Variants in CLIP2 observed in about 807,000 individuals in gnomAD.
The protein encoded by CLIP2 is CAP-Gly domain containing linker protein 2.
Under a neutral mutation model 111.7 loss-of-function variants are expected in CLIP2, and 41 were observed. The ratio of observed to expected loss-of-function variants is 0.37; its 90% CI spans 0.29 to 0.48. The LOEUF is 0.48. Among genes scored for constraint, CLIP2 ranks in the 20% least tolerant of loss-of-function variants. The pLI, the probability that CLIP2 is intolerant of heterozygous loss-of-function variation, is 0.99. For synonymous variants in CLIP2, 660 were observed against 644.2 expected (o/e 1.02, Z -0.37); for missense variants, 1,160 against 1,422.1 (o/e 0.82, Z 2.96).
intron 8 of CLIP2, among the ~76,000 whole-genome samples, chr7:74,367,284 G>A (rs1017167515): frequency 6.6e-6 from 1 of 151,746 alleles, no homozygotes; most frequent in Non-Finnish European, 1.5e-5. Flanking sequence ...TCCCCTTCCC[G>A]GGTTCATGCC....
At chr7:74,296,289 A>G (rs544481648) in intron 1 of CLIP2, among the ~76,000 whole-genome samples, 1 of 151,840 alleles carries the variant, frequency 6.6e-6, no homozygotes, top group Admixed American at 6.6e-5. Flanking sequence ...CAGGCAGATC[A>G]CCTGAGATAA....
At chr7:74,348,599 C>T (rs1247577594) in intron 3 of CLIP2, among the ~76,000 whole-genome samples, 1 of 151,756 alleles carries the variant, frequency 6.6e-6, no homozygotes, top group Non-Finnish European at 1.5e-5. Context: ...ACCATCCTGG[C>T]TAACACGGTG....
At chr7:74,359,321 T>A (rs1298455609) in intron 6 of CLIP2, among the ~76,000 whole-genome samples, 6 of 148,790 alleles carry the variant, frequency 4.0e-5, no homozygotes, top group Non-Finnish European at 7.4e-5. Context: ...TTTTTTTTTT[T>A]AATGTATGAC....
intron 2 of CLIP2, among the ~76,000 whole-genome samples, chr7:74,326,394 T>C (rs1398807682): frequency 3.3e-5 from 5 of 152,212 alleles, no homozygotes; most frequent in African/African-American, 1.2e-4. Context: ...CCCCACACAT[T>C]TGGCTCATGC....
intron 3 of CLIP2, among the ~76,000 whole-genome samples, chr7:74,339,924 C>A (rs1051212720): frequency 2.0e-5 from 3 of 149,420 alleles, no homozygotes; most frequent in South Asian, 2.1e-4. Context: ...CCCATCTCTA[C>A]AAAAAAAAAT....
chr7:74,374,169 G>A (rs186936779), intron 9 of CLIP2, among the ~76,000 whole-genome samples: 33 of 152,342 alleles, frequency 2.2e-4, no homozygotes, highest in Admixed American at 2.1e-3. Flanking sequence ...TAAACAGTAT[G>A]TAGATGTAGA....
intron 12 of CLIP2, among the ~76,000 whole-genome samples, chr7:74,388,359 G>C (rs1335084658): frequency 6.6e-6 from 1 of 151,882 alleles, no homozygotes; most frequent in Non-Finnish European, 1.5e-5. Context: ...AATTAGCCAG[G>C]CATGGTGGTG....
At chr7:74,341,121 C>G (rs113805064) in intron 3 of CLIP2, among the ~76,000 whole-genome samples, 26 of 152,182 alleles carry the variant, frequency 1.7e-4, no homozygotes, top group African/African-American at 5.8e-4. Flanking sequence ...TGTGATGCTG[C>G]GATGTGGTTT....
At chr7:74,314,147 A>T (rs1554728841) in intron 1 of CLIP2, among the ~76,000 whole-genome samples, 1 of 142,812 alleles carries the variant, frequency 7.0e-6, no homozygotes, top group African/African-American at 2.6e-5. Context: ...GTGCCACTGC[A>T]CTCCAGCCTG....
intron 2 of CLIP2, among the ~76,000 whole-genome samples, chr7:74,331,537 T>A (rs1322145187): frequency 6.6e-6 from 1 of 150,958 alleles, no homozygotes; most frequent in Non-Finnish European, 1.5e-5. Context: ...TCTTTTCTTT[T>A]CGTTTTCTTT....
intron 1 of CLIP2, among the ~76,000 whole-genome samples, chr7:74,309,715 G>A (rs1399023680): frequency 1.3e-5 from 2 of 151,638 alleles, no homozygotes; most frequent in Non-Finnish European, 1.5e-5. Flanking sequence ...AAAATTAGCC[G>A]GGCGTGGTGG....
At chr7:74,356,295 C>A in intron 4 of CLIP2, 115 bp from the exon 5 acceptor site, 1 of 849,048 alleles carries the variant, frequency 1.2e-6, no homozygotes, top group Non-Finnish European at 2.0e-6. Context: ...CCACATGGGC[C>A]CCAAGGAGGT....
chr7:74,289,559 G>C lies in CLIP2; in HGVS notation c.-243G>C, dbSNP rs1584293827. The stretch of plus-strand genomic sequence containing the variant: ...TTCCCAGAGACGTGGCGCGAGGCCC[G>C]GGCCCTGAGCACCTATCGCGGGGAT... On this transcript the variant is annotated 5_prime_UTR_variant, in exon 1 of 17. Transcript: ENST00000223398. 6.6e-6 allele frequency: 1 copy of C among 151,782 alleles called. No homozygotes were observed. The highest frequency in any genetic ancestry group is 1.9e-4 in the East Asian group (1 of 5,154). 9.4% of individuals were successfully genotyped at this position (151,782 alleles called of 1,614,324 possible).
intron 1 of CLIP2, among the ~76,000 whole-genome samples, chr7:74,306,992 C>G (rs1242116258): frequency 6.6e-6 from 1 of 152,208 alleles, no homozygotes; most frequent in African/African-American, 2.4e-5. Flanking sequence ...CAGCGTTTTC[C>G]AAGAATCCCT....
At chr7:74,301,018 T>G (rs141528654) in intron 1 of CLIP2, among the ~76,000 whole-genome samples, 76 of 152,348 alleles carry the variant, frequency 5.0e-4, no homozygotes, top group African/African-American at 1.8e-3. Flanking sequence ...CCATTTCTCA[T>G]AAAGGTTGTA....
chr7:74,313,928 A>G (rs1402809515), intron 1 of CLIP2, among the ~76,000 whole-genome samples: 7 of 152,178 alleles, frequency 4.6e-5, no homozygotes, highest in Admixed American at 3.9e-4. Flanking sequence ...CATGCCTGTA[A>G]TCCCAGCACT....
In CLIP2 at chr7:74,356,440, C is replaced by T. The variant is rs1790146148; in HGVS notation, c.834C>T (p.Leu278=). ...TCCAGTGCCCACCCAAGTTTGGTCT[C>T]TTCGCGCCCATCCACAAAGTGATCC... ...RYFQCPPKFG[L]FAPIHKVIRI... The change falls in exon 5 of 17, where the codon CTC becomes CTT. Residue 278 remains leucine, a synonymous_variant. Transcript: ENST00000223398. The T allele has an allele frequency of 1.9e-6, 3 of 1,614,196 alleles. No individual in the cohort carries two copies. The highest frequency in any genetic ancestry group is 1.3e-5 in the African/African-American group (1 of 75,048).
chr7:74,404,096 G>A lies in CLIP2; in HGVS notation c.*248G>A, dbSNP rs1193416402. 9.8e-6 allele frequency: 5 copies of A among 510,556 alleles called. No individual in the cohort carries two copies. The highest frequency in any genetic ancestry group is 3.9e-5 in the African/African-American group (2 of 51,904). 31.6% of individuals were successfully genotyped at this position (510,556 alleles called of 1,614,324 possible). A position where few individuals can be genotyped will look rare whatever the true frequency, so the allele number is the denominator to read the frequency against. Reference sequence around the variant, plus strand: ...CCCCGGCCTGACCCGGGGACCTTCAGCCTGGACACCCGGCAGCTTCTGGAG... The same window carrying A: ...CCCCGGCCTGACCCGGGGACCTTCAACCTGGACACCCGGCAGCTTCTGGAG... On this transcript the variant is annotated 3_prime_UTR_variant, in exon 17 of 17. Coordinates refer to ENST00000223398, the MANE Select transcript of CLIP2 (RefSeq NM_003388.5).
intron 9 of CLIP2, among the ~76,000 whole-genome samples, chr7:74,375,162 A>T (rs535327959): frequency 6.6e-6 from 1 of 151,984 alleles, no homozygotes; most frequent in African/African-American, 2.4e-5. Context: ...AGGCAGGAAG[A>T]TTGCTTGAGC....
Sources: gnomAD v4.1 joint callset for allele counts (sites outside exome capture counted in the v4.1 genomes callset) on GRCh38, gnomAD v4.1.1 for gene constraint, MANE v1.5 for transcripts, NCBI Gene and HGNC (gene_info 2026-07-23, HGNC 2026-07-21) for gene names.